Variants in FAM117B observed in about 807,000 individuals in gnomAD.
The protein encoded by FAM117B is family with sequence similarity 117 member B, also known as protein FAM117B.
Under a neutral mutation model 52.8 loss-of-function variants are expected in FAM117B, and 22 were observed. That is an observed-to-expected ratio of 0.42 (90% CI 0.30 to 0.59). FAM117B has a LOEUF of 0.59. Among genes scored for constraint, FAM117B ranks in the 20% least tolerant of loss-of-function variants. The pLI is 0.22. For synonymous variants in FAM117B, 309 were observed against 324.1 expected (o/e 0.95, Z 0.50); for missense variants, 678 against 802.6 (o/e 0.84, Z 1.88).
At chr2:202,655,889 G>T (rs976247554) in intron 1 of FAM117B, among the ~76,000 whole-genome samples, 4 of 152,046 alleles carry the variant, frequency 2.6e-5, no homozygotes, top group South Asian at 2.1e-4. Context: ...ACTACCTTTG[G>T]AATGTTTTTG....
intron 2 of FAM117B, among the ~76,000 whole-genome samples, chr2:202,700,083 G>T (rs1690774813): frequency 6.6e-6 from 1 of 152,122 alleles, no homozygotes; most frequent in South Asian, 2.1e-4. Context: ...CTCTCATTGG[G>T]CCTCTTTGTT....
chr2:202,759,212 C>T (rs1691845238), intron 6 of FAM117B, 21 bp from the exon 7 acceptor site: 1 of 1,612,976 alleles, frequency 6.2e-7, no homozygotes, highest in Non-Finnish European at 8.5e-7. Context: ...ATGTAGTAAT[C>T]TAATGTGTCA....
chr2:202,731,057 A>G (rs1452829296), intron 4 of FAM117B, among the ~76,000 whole-genome samples: 1 of 152,138 alleles, frequency 6.6e-6, no homozygotes, highest in African/African-American at 2.4e-5. Context: ...CACAAATCAT[A>G]TATCTGATAA....
intron 7 of FAM117B, among the ~76,000 whole-genome samples, chr2:202,759,999 C>T (rs1023059953): frequency 2.6e-5 from 4 of 152,302 alleles, no homozygotes; most frequent in African/African-American, 7.2e-5. Context: ...CTGTGCCCAG[C>T]CTATTATCAG....
At chr2:202,680,421 T>A (rs4675286) in intron 1 of FAM117B, among the ~76,000 whole-genome samples, 121,087 of 151,716 alleles carry the variant, frequency 0.8, 48,297 homozygotes, top group Non-Finnish European at 0.83. Context: ...AAGTATAATT[T>A]AAAAAAGTCT....
intron 1 of FAM117B, among the ~76,000 whole-genome samples, chr2:202,678,789 C>T (rs968009128): frequency 6.6e-6 from 1 of 152,188 alleles, no homozygotes; most frequent in Non-Finnish European, 1.5e-5. Flanking sequence ...AACTCCCGAC[C>T]TCAGGTGATC....
At chr2:202,728,620 TC>T (rs1192438844) in intron 4 of FAM117B, among the ~76,000 whole-genome samples, 1 of 152,182 alleles carries the variant, frequency 6.6e-6, no homozygotes, top group Non-Finnish European at 1.5e-5. Context: ...CACTTTTTAC[TC>T]CCAGTCCATA....
intron 2 of FAM117B, among the ~76,000 whole-genome samples, chr2:202,721,980 A>G (rs538526357): frequency 1.3e-5 from 2 of 151,490 alleles, no homozygotes; most frequent in African/African-American, 4.8e-5. Flanking sequence ...AAAAATTCAT[A>G]TAAGAGAAGC....
chr2:202,746,279 A>G (rs1202349049), intron 4 of FAM117B, among the ~76,000 whole-genome samples: 13 of 152,152 alleles, frequency 8.5e-5, no homozygotes, highest in Admixed American at 8.5e-4. Context: ...TAGGAATCAC[A>G]GACTAGAACT....
At chr2:202,661,772 C>T (rs1018251056) in intron 1 of FAM117B, among the ~76,000 whole-genome samples, 15 of 151,974 alleles carry the variant, frequency 9.9e-5, no homozygotes, top group South Asian at 4.2e-4. Context: ...AAAAATTAGC[C>T]GGGCATGGTG....
intron 4 of FAM117B, among the ~76,000 whole-genome samples, chr2:202,736,184 A>T (rs2105791296): frequency 6.6e-6 from 1 of 152,374 alleles, no homozygotes; most frequent in Non-Finnish European, 1.5e-5. Context: ...TGTCAGTCCA[A>T]AACAGAGCAT....
Position 202,726,369 on chromosome 2 carries a change from A to G in FAM117B, c.960+6A>G. On this transcript the variant is annotated splice_donor_region_variant and intron_variant, in intron 4 of 7. Coordinates refer to ENST00000392238, the MANE Select transcript of FAM117B (RefSeq NM_173511.4). ...CAGCTATTAACCAGTGTCAGGTAAG[A>G]GTACCAATACCACAAAATCCAGAAA... 6.3e-7 allele frequency: 1 copy of G among 1,587,350 alleles called. No homozygotes were observed. The highest frequency in any genetic ancestry group is 8.6e-7 in the Non-Finnish European group (1 of 1,159,358).
intron 1 of FAM117B, among the ~76,000 whole-genome samples, chr2:202,671,466 C>T (rs1171023016): frequency 6.6e-6 from 1 of 152,182 alleles, no homozygotes; most frequent in East Asian, 1.9e-4. Context: ...GGAATAACTC[C>T]CAGGCTCTCT....
chr2:202,754,412 A>G (rs113639707), intron 4 of FAM117B, among the ~76,000 whole-genome samples: 34 of 152,276 alleles, frequency 2.2e-4, no homozygotes, highest in African/African-American at 7.0e-4. Context: ...GGACTGGTCA[A>G]TAGGTGCAGC....
chr2:202,671,473 C>T (rs1336326048), intron 1 of FAM117B, among the ~76,000 whole-genome samples: 1 of 152,206 alleles, frequency 6.6e-6, no homozygotes, highest in Non-Finnish European at 1.5e-5. Context: ...CTCCCAGGCT[C>T]TCTTGCTTGT....
intron 4 of FAM117B, among the ~76,000 whole-genome samples, chr2:202,752,695 G>T (rs1691744346): frequency 6.6e-6 from 1 of 152,180 alleles, no homozygotes; most frequent in Admixed American, 6.5e-5. Flanking sequence ...AGAAGAATCT[G>T]CAAGATGTTT....
At chr2:202,648,407 T>C (rs968154398) in intron 1 of FAM117B, among the ~76,000 whole-genome samples, 2 of 151,852 alleles carry the variant, frequency 1.3e-5, no homozygotes, top group Non-Finnish European at 2.9e-5. Context: ...GTCCCAACTA[T>C]TTGGGAGGCT....
intron 2 of FAM117B, among the ~76,000 whole-genome samples, chr2:202,718,258 C>A (rs1199606085): frequency 6.6e-6 from 1 of 152,212 alleles, no homozygotes; most frequent in Non-Finnish European, 1.5e-5. Flanking sequence ...CCCCAACAGT[C>A]TGCTTGGTGC....
intron 4 of FAM117B, among the ~76,000 whole-genome samples, chr2:202,743,598 A>G (rs764680764): frequency 4.6e-5 from 7 of 150,846 alleles, no homozygotes; most frequent in African/African-American, 1.7e-4. Context: ...AGTGATATCA[A>G]AGAAACTCAA....
Sources: gnomAD v4.1 joint callset for allele counts (sites outside exome capture counted in the v4.1 genomes callset) on GRCh38, gnomAD v4.1.1 for gene constraint, MANE v1.5 for transcripts, NCBI Gene and HGNC (gene_info 2026-07-23, HGNC 2026-07-21) for gene names.